Variants in TIMD4 observed in about 807,000 individuals in gnomAD.
The protein encoded by TIMD4 is T-cell immunoglobulin and mucin domain-containing protein 4.
A neutral mutation model predicts 41.2 loss-of-function variants in TIMD4; 31 were observed. The ratio of observed to expected loss-of-function variants is 0.75; its 90% confidence interval spans 0.57 to 1.01. The LOEUF is 1.01. TIMD4 is among the 50% of genes least tolerant of loss of function. TIMD4 has a pLI of 0.00. For synonymous variants in TIMD4, 204 were observed against 177.1 expected, an observed-to-expected ratio of 1.15 and a Z score of -1.21; for missense variants, 479 against 472.5, an observed-to-expected ratio of 1.01 and a Z score of -0.13.
At chr5:156,940,434 G>A (rs1246906908) in intron 5 of TIMD4, among the ~76,000 whole-genome samples, 2 of 151,878 alleles carry the variant, frequency 1.3e-5, no homozygotes, top group Non-Finnish European at 1.5e-5. Flanking sequence ...GGGATGTGAG[G>A]AGCCCCTCTG....
intron 5 of TIMD4, among the ~76,000 whole-genome samples, chr5:156,931,901 C>T (rs1759450150): frequency 6.8e-6 from 1 of 147,312 alleles, no homozygotes; most frequent in Non-Finnish European, 1.5e-5. Flanking sequence ...TAATATTTCA[C>T]CAACTGATCT....
rs773468118 is a variant in TIMD4, at chr5:156,922,113, G to A, written c.998C>T (p.Ala333Val). 49 of 1,613,480 alleles carry A rather than the reference G, an allele frequency of 3.0e-5. No homozygotes were observed. Among genetic ancestry groups the A allele is most frequent in the Non-Finnish European group, 3.6e-5 (43 of 1,179,732 alleles). ...TCCCTCCTTACCTCTCAGGAGAAAC[G>A]CCACAAACAATGCGAAGAGCACAAA... is the stretch of plus-strand genomic sequence containing the variant. The part of the protein sequence containing the change: ...LGFVLFALFV[A>V]FLLRGKLMET... The change falls in exon 7 of 9, where the codon GCG (alanine) becomes GTG (valine). Residue 333 changes from alanine (A) to valine (V), a missense_variant. Transcript: ENST00000274532.
At chr5:156,953,653 C>CAAA (rs35165963) in intron 2 of TIMD4, among the ~76,000 whole-genome samples, 2,106 of 55,828 alleles carry the variant, frequency 0.038, 38 homozygotes, top group East Asian at 0.046. Flanking sequence ...AAACTCTGTC[C>CAAA]AAAAAAAAAA....
rs780011732 is a variant in TIMD4, at chr5:156,922,163, C to G, written c.948G>C (p.Leu316=). The change falls in exon 7 of 9, where the codon CTG becomes CTC. Residue 316 remains leucine, a synonymous_variant. Coordinates refer to ENST00000274532, the MANE Select transcript of TIMD4 (RefSeq NM_138379.3). ...ATCCCAAGGAGGGGGCGATGATCAT[C>G]AGTAGTTGGGAGATGGGCATTTCAT... ...MKNEMPISQL[L]MIIAPSLGFV... 5.1e-5 allele frequency: 83 copies of G among 1,613,942 alleles called. No individual in the cohort carries two copies. Among genetic ancestry groups the G allele is most frequent in the Admixed American group, 1.2e-4 (7 of 59,974 alleles).
At chr5:156,926,409 G>A in intron 5 of TIMD4, 97 bp from the exon 6 acceptor site, 1 of 1,192,292 alleles carries the variant, frequency 8.4e-7, no homozygotes, top group Non-Finnish European at 1.2e-6. Flanking sequence ...TGGAACTGCA[G>A]CTGATGTGTT....
At chr5:156,955,535 G>A (rs6895347) in intron 1 of TIMD4, among the ~76,000 whole-genome samples, 5,277 of 152,070 alleles carry the variant, frequency 0.035, 232 homozygotes, top group African/African-American at 0.1. Flanking sequence ...AGGCGCCTAT[G>A]GTCCCAGCTA....
intron 6 of TIMD4, 32 bp downstream of exon 6, chr5:156,926,231 G>T: frequency 6.2e-7 from 1 of 1,609,820 alleles, no homozygotes; most frequent in South Asian, 1.1e-5. Flanking sequence ...CTATTTAAGT[G>T]ATATACTGCA....
At chr5:156,954,363 A>G in intron 2 of TIMD4, 52 bp downstream of exon 2, 1 of 1,539,110 alleles carries the variant, frequency 6.5e-7, no homozygotes, top group East Asian at 2.2e-5. Flanking sequence ...CCCATTGTCC[A>G]TTAACCACTG....
In TIMD4 at chr5:156,934,129, C is replaced by T. The variant is rs10475518; in HGVS notation, c.845-7817G>A. On this transcript the variant is annotated intron_variant, in intron 5 of 8. Coordinates refer to ENST00000274532, the MANE Select transcript of TIMD4 (RefSeq NM_138379.3). ...AAGAATCCACTTTTAATATCATCCC[C>T]GTTCCCATCCTATTCATAGAAACTT... 5.3e-3 allele frequency among the ~76,000 whole-genome samples: 810 copies of T among 152,240 alleles called. 9 individuals are homozygous for T. The highest frequency in any genetic ancestry group is 0.018 in the African/African-American group (767 of 41,484).
intron 5 of TIMD4, among the ~76,000 whole-genome samples, chr5:156,941,520 A>T (rs1759652421): frequency 6.6e-6 from 1 of 152,188 alleles, no homozygotes; most frequent in South Asian, 2.1e-4. Context: ...CTGTTCTTCC[A>T]TCCTGTTGGC....
chr5:156,923,465 T>A (rs1759289118), intron 6 of TIMD4, among the ~76,000 whole-genome samples: 1 of 152,046 alleles, frequency 6.6e-6, no homozygotes, highest in Non-Finnish European at 1.5e-5. Flanking sequence ...AATTTTTTAA[T>A]TGTAAAAATG....
chr5:156,931,360 G>T (rs1759442089), intron 5 of TIMD4, among the ~76,000 whole-genome samples: 1 of 152,176 alleles, frequency 6.6e-6, no homozygotes, highest in Non-Finnish European at 1.5e-5. Context: ...AAGAACAGTT[G>T]TTCTGGGACA....
chr5:156,936,058 G>T (rs868211069), intron 5 of TIMD4, among the ~76,000 whole-genome samples: 10 of 152,104 alleles, frequency 6.6e-5, no homozygotes, highest in African/African-American at 2.4e-4. Flanking sequence ...GGGCAACATA[G>T]GGAGACACCA....
intron 5 of TIMD4, among the ~76,000 whole-genome samples, chr5:156,944,915 A>G (rs1759712783): frequency 1.3e-5 from 2 of 152,182 alleles, no homozygotes; most frequent in Non-Finnish European, 1.5e-5. Flanking sequence ...CATAAAGTGG[A>G]GGCAAGAAAT....
At chr5:156,924,727 C>CTACA (rs1759315302) in intron 6 of TIMD4, 1 of 172,954 alleles carries the variant, frequency 5.8e-6, no homozygotes, top group Admixed American at 6.1e-5. Flanking sequence ...ATTTCATGCT[C>CTACA]TACACATTTT....
chr5:156,961,698 G>A (rs1160309007), intron 1 of TIMD4, among the ~76,000 whole-genome samples: 2 of 151,442 alleles, frequency 1.3e-5, no homozygotes, highest in Non-Finnish European at 2.9e-5. Flanking sequence ...AGCTACTTGG[G>A]AGGCTGAGGC....
At chr5:156,961,769 A>G (rs1024728785) in intron 1 of TIMD4, among the ~76,000 whole-genome samples, 1 of 130,890 alleles carries the variant, frequency 7.6e-6, no homozygotes, top group South Asian at 2.8e-4. Context: ...AGATAGTGCC[A>G]CTGCAGTCCG....
chr5:156,935,967 C>T (rs1343106359), intron 5 of TIMD4, among the ~76,000 whole-genome samples: 4 of 152,216 alleles, frequency 2.6e-5, no homozygotes, highest in African/African-American at 7.2e-5. Flanking sequence ...AGACCAGGCA[C>T]GGTAGCTCAT....
At position 156,948,321 on chromosome 5, in the gene TIMD4, C is replaced by CTA. The variant is rs569438815; in HGVS notation, c.844+93_844+94dup. On this transcript the variant is annotated intron_variant, in intron 5 of 8. Transcript: ENST00000274532. ...TGGGCAACATGGTGAGAACTCATCTCTACAAAAAAAAAAAAAAGCAAGATT... is the reference window on the plus strand; with the variant it reads ...TGGGCAACATGGTGAGAACTCATCTCTATACAAAAAAAAAAAAAAGCAAGATT... The CTA allele has an allele frequency of 6.2e-3, 4,016 of 648,140 alleles. 14 individuals are homozygous for CTA. Among genetic ancestry groups the CTA allele is most frequent in the Non-Finnish European group, 7.2e-3 (3,646 of 505,822 alleles). The allele number at this position is 648,140 out of a possible 1,614,324, so 40.1% of individuals were successfully genotyped here. A position where few individuals can be genotyped will look rare whatever the true frequency, so the allele number is the denominator to read the frequency against.
Sources: allele counts gnomAD v4.1 joint callset (sites outside exome capture counted in the v4.1 genomes callset), GRCh38; gene constraint gnomAD v4.1.1; transcripts MANE v1.5; gene names NCBI Gene and HGNC (gene_info 2026-07-23, HGNC 2026-07-21).